Variants in HTR7 observed in about 807,000 individuals in gnomAD.
HTR7 encodes the protein 5-HT-7.
Under a neutral mutation model 34.0 loss-of-function variants are expected in HTR7, and 16 were observed. That is an observed-to-expected ratio of 0.47 (90% confidence interval 0.32 to 0.71). The LOEUF is 0.71. Ranked by LOEUF, HTR7 falls within the 30% of genes least tolerant of loss-of-function variation. HTR7 has a pLI of 0.04. For synonymous variants in HTR7, 265 were observed against 260.2 expected, an observed-to-expected ratio of 1.02 and a Z score of -0.18; for missense variants, 504 against 625.5, an observed-to-expected ratio of 0.81 and a Z score of 2.07.
intron 1 of HTR7, among the ~76,000 whole-genome samples, chr10:90,797,800 C>G (rs1258893430): frequency 6.6e-6 from 1 of 152,186 alleles, no homozygotes; most frequent in Non-Finnish European, 1.5e-5. Context: ...TAACAGAATA[C>G]CACAGACTGG....
At position 90,857,843 on chromosome 10, in the gene HTR7, C is replaced by G. The variant is rs918638335; in HGVS notation, c.-172G>C. 1.6e-5 allele frequency: 9 copies of G among 579,232 alleles called. No individual in the cohort carries two copies. The African/African-American group carries it at 1.8e-4, about 11-fold the overall frequency. 35.9% of individuals were successfully genotyped at this position (579,232 alleles called of 1,614,324 possible). ...CTCGGAGCCCCGCACTCCCCGGACCCCCGGCCGCTGCGGGTAACGCGGCAG... is the reference window on the plus strand; with the variant it reads ...CTCGGAGCCCCGCACTCCCCGGACCGCCGGCCGCTGCGGGTAACGCGGCAG... On this transcript the variant is annotated 5_prime_UTR_variant, in exon 1 of 4. Transcript: ENST00000336152. This position sits in a 1 kb window ranked among gnomAD's most constrained non-coding sequence, Gnocchi z 6.5.
chr10:90,831,005 C>T (rs958398395), intron 1 of HTR7, among the ~76,000 whole-genome samples: 1 of 152,188 alleles, frequency 6.6e-6, no homozygotes, highest in African/African-American at 2.4e-5. Context: ...TTCAAGCAGG[C>T]ACTTACTCTC....
intron 1 of HTR7, among the ~76,000 whole-genome samples, chr10:90,830,179 A>G (rs745943250): frequency 6.6e-6 from 1 of 152,246 alleles, no homozygotes. Flanking sequence ...CCATTCAATA[A>G]TTGTTACCAA....
At chr10:90,855,242 C>T (rs1321823977) in intron 1 of HTR7, among the ~76,000 whole-genome samples, 2 of 152,166 alleles carry the variant, frequency 1.3e-5, no homozygotes. Context: ...TAAGCTCTTG[C>T]CAAGAAGGAT....
intron 2 of HTR7, among the ~76,000 whole-genome samples, chr10:90,746,983 T>A (rs1326106378): frequency 6.6e-6 from 1 of 152,214 alleles, no homozygotes; most frequent in Admixed American, 6.5e-5. Context: ...TCAAAAATAT[T>A]CTGAGACTCT....
intron 1 of HTR7, among the ~76,000 whole-genome samples, chr10:90,851,743 G>A (rs1175912433): frequency 6.6e-6 from 1 of 151,542 alleles, no homozygotes; most frequent in African/African-American, 2.4e-5. Flanking sequence ...ACCTTGAATT[G>A]TAATAATCCC....
intron 1 of HTR7, among the ~76,000 whole-genome samples, chr10:90,750,030 C>T (rs1844710340): frequency 6.6e-6 from 1 of 152,214 alleles, no homozygotes; most frequent in African/African-American, 2.4e-5. Context: ...ATCACCCCAG[C>T]TGTCTTAATT....
At chr10:90,788,314 CT>C (rs374348656) in intron 1 of HTR7, among the ~76,000 whole-genome samples, 13 of 152,240 alleles carry the variant, frequency 8.5e-5, no homozygotes, top group African/African-American at 3.1e-4. Flanking sequence ...ATAGATCCAG[CT>C]TTGGTATTTT....
In HTR7 at chr10:90,747,565, T is replaced by C. The variant is rs369230694; in HGVS notation, c.1295+1274A>G. Among the ~76,000 whole-genome samples, 7 of 152,328 alleles carry C rather than the reference T, an allele frequency of 4.6e-5. No homozygotes were observed. The East Asian group carries it at 5.8e-4, about 13-fold the overall frequency. On this transcript the variant is annotated intron_variant, in intron 2 of 3. Transcript: ENST00000336152. The stretch of plus-strand genomic sequence containing the variant: ...GTTGTAAGATAAAGGCAGTCCAGTA[T>C]AAGAAAAATGAGTAGCACTGGGATT...
At chr10:90,782,952 T>C (rs1845326734) in intron 1 of HTR7, among the ~76,000 whole-genome samples, 1 of 152,182 alleles carries the variant, frequency 6.6e-6, no homozygotes, top group African/African-American at 2.4e-5. Context: ...TGCAGATCCA[T>C]TGTGCTGTGT....
chr10:90,815,308 T>C (rs1326617840), intron 1 of HTR7, among the ~76,000 whole-genome samples: 2 of 152,080 alleles, frequency 1.3e-5, no homozygotes, highest in African/African-American at 4.8e-5. Context: ...GCCAGGCTGG[T>C]CTTGAACTCC....
chr10:90,845,032 GC>G (rs1846393017), intron 1 of HTR7, among the ~76,000 whole-genome samples: 1 of 152,104 alleles, frequency 6.6e-6, no homozygotes, highest in South Asian at 2.1e-4. Flanking sequence ...GATGATAGGG[GC>G]TGAAGTTGAG....
At chr10:90,809,129 T>A (rs149338054) in intron 1 of HTR7, among the ~76,000 whole-genome samples, 3 of 152,042 alleles carry the variant, frequency 2.0e-5, no homozygotes, top group African/African-American at 7.2e-5. Flanking sequence ...CCGAGCTAAG[T>A]CCCAATTCTT....
chr10:90,853,174 C>G (rs1183980630), intron 1 of HTR7, among the ~76,000 whole-genome samples: 4 of 152,072 alleles, frequency 2.6e-5, no homozygotes, highest in African/African-American at 7.2e-5. Context: ...CAACCACTCC[C>G]TTGCACTATT....
intron 1 of HTR7, among the ~76,000 whole-genome samples, chr10:90,815,860 TTGCAGG>T (rs1564691898): frequency 6.6e-5 from 10 of 152,224 alleles, no homozygotes. Flanking sequence ...AGAGCATTTA[TTGCAGG>T]TTTTGGCAAA....
chr10:90,797,181 TTTA>T (rs1433785189), intron 1 of HTR7, among the ~76,000 whole-genome samples: 1 of 152,202 alleles, frequency 6.6e-6, no homozygotes, highest in Non-Finnish European at 1.5e-5. Context: ...TTTTTTCATT[TTTA>T]TGTGTTTTTC....
intron 1 of HTR7, among the ~76,000 whole-genome samples, chr10:90,792,141 T>C (rs1845468713): frequency 6.6e-6 from 1 of 152,156 alleles, no homozygotes; most frequent in Admixed American, 6.6e-5. Flanking sequence ...AATCTCTGAA[T>C]GACAAAAACA....
chr10:90,783,098 A>G (rs1383918834), intron 1 of HTR7, among the ~76,000 whole-genome samples: 1 of 152,166 alleles, frequency 6.6e-6, no homozygotes, highest in Admixed American at 6.5e-5. Flanking sequence ...ATTTGCATCT[A>G]CTTCTGTCAG....
chr10:90,803,422 G>C (rs1845659409), intron 1 of HTR7, among the ~76,000 whole-genome samples: 1 of 152,042 alleles, frequency 6.6e-6, no homozygotes, highest in Non-Finnish European at 1.5e-5. Context: ...TCTCACTTGA[G>C]GTGTTTTTCC....
Sources: gnomAD v4.1 joint callset for allele counts (sites outside exome capture counted in the v4.1 genomes callset) on GRCh38, gnomAD v4.1.1 for gene constraint, Gnocchi (gnomAD v3.1) non-coding constraint, MANE v1.5 for transcripts, NCBI Gene and HGNC (gene_info 2026-07-23, HGNC 2026-07-21) for gene names.